Variants in PDGFC observed in about 807,000 individuals in gnomAD.
The protein encoded by PDGFC is platelet derived growth factor C.
Under a neutral mutation model 35.5 loss-of-function variants are expected in PDGFC, and 12 were observed. That is an observed-to-expected ratio of 0.34 (90% CI 0.22 to 0.55). The LOEUF is 0.55. PDGFC is among the 20% of genes least tolerant of loss of function. The pLI, the probability that PDGFC is intolerant of heterozygous loss-of-function variation, is 0.91. For synonymous variants in PDGFC, 159 were observed against 148.8 expected, an observed-to-expected ratio of 1.07 and a Z score of -0.50; for missense variants, 322 against 412.4, an observed-to-expected ratio of 0.78 and a Z score of 1.90.
intron 1 of PDGFC, among the ~76,000 whole-genome samples, chr4:156,855,361 T>C (rs1160718193): frequency 2.0e-5 from 3 of 152,186 alleles, no homozygotes; most frequent in Non-Finnish European, 2.9e-5. Context: ...AAATCATCCA[T>C]GTCTTTATGC....
chr4:156,835,424 T>G (rs1427988922), intron 2 of PDGFC, among the ~76,000 whole-genome samples: 1 of 152,178 alleles, frequency 6.6e-6, no homozygotes, highest in Non-Finnish European at 1.5e-5. Flanking sequence ...TCATATTATT[T>G]AAACTTTTAT....
chr4:156,802,401 G>A lies in PDGFC; in HGVS notation c.495+8436C>T, dbSNP rs56227584. On this transcript the variant is annotated intron_variant, in intron 3 of 5. Transcript: ENST00000502773. ...AAGAAGCAATTAAATATACATAAAG[G>A]AACAATAAAAGAATGACTAAAAATC... 7.8e-3 allele frequency among the ~76,000 whole-genome samples: 1,187 copies of A among 152,068 alleles called. 10 individuals are homozygous for A. The highest frequency in any genetic ancestry group is 0.027 in the African/African-American group (1,116 of 41,472).
chr4:156,822,932 C>G (rs1347762311), intron 2 of PDGFC, among the ~76,000 whole-genome samples: 1 of 151,898 alleles, frequency 6.6e-6, no homozygotes, highest in Non-Finnish European at 1.5e-5. Flanking sequence ...TGGGGTTTCT[C>G]CGTGTTGGTC....
chr4:156,958,956 G>A (rs1191044671), intron 1 of PDGFC, among the ~76,000 whole-genome samples: 1 of 152,032 alleles, frequency 6.6e-6, no homozygotes, highest in Non-Finnish European at 1.5e-5. Context: ...CCTAACTGTT[G>A]TTAGATTTTT....
rs1042503975 is a variant in PDGFC, at chr4:156,779,304, G to A, written c.496-6411C>T. ...AGCCGGCAATGAAAAGCAAATGCTT[G>A]CATTCCTACTCAAGAACAGATGTTT... On this transcript the variant is annotated intron_variant, in intron 3 of 5. Transcript: ENST00000502773. 4.0e-5 allele frequency: 17 copies of A among 424,510 alleles called. 1 individual carries two copies. The highest frequency in any genetic ancestry group is 4.7e-6 in the Non-Finnish European group (1 of 211,462). The allele number at this position is 424,510 out of a possible 1,614,324, so 26.3% of individuals were successfully genotyped here.
At chr4:156,823,861 AAAG>A (rs1318978117) in intron 2 of PDGFC, among the ~76,000 whole-genome samples, 3 of 152,324 alleles carry the variant, frequency 2.0e-5, no homozygotes, top group African/African-American at 7.2e-5. Flanking sequence ...ATGGATAAGG[AAAG>A]TGTAGTATAT....
intron 3 of PDGFC, chr4:156,779,118 T>C (rs995396238): frequency 2.2e-6 from 1 of 456,196 alleles, no homozygotes; most frequent in Non-Finnish European, 4.4e-6. Flanking sequence ...AGACAGGGCA[T>C]GCAGACACAA....
chr4:156,867,859 T>A (rs1729882869), intron 1 of PDGFC, among the ~76,000 whole-genome samples: 1 of 152,166 alleles, frequency 6.6e-6, no homozygotes, highest in Non-Finnish European at 1.5e-5. Flanking sequence ...TAGATTCAAA[T>A]TTAAAAAGAC....
intron 1 of PDGFC, among the ~76,000 whole-genome samples, chr4:156,917,531 T>G (rs1007468232): frequency 9.9e-5 from 15 of 152,134 alleles, no homozygotes; most frequent in African/African-American, 3.6e-4. Flanking sequence ...TAAAGAAAAA[T>G]AATCCCCACG....
At chr4:156,856,717 T>C (rs138315233) in intron 1 of PDGFC, among the ~76,000 whole-genome samples, 1 of 152,072 alleles carries the variant, frequency 6.6e-6, no homozygotes, top group South Asian at 2.1e-4. Context: ...ATTTTACATA[T>C]CACTTCAACA....
chr4:156,898,392 A>T (rs1730686431), intron 1 of PDGFC, among the ~76,000 whole-genome samples: 1 of 152,214 alleles, frequency 6.6e-6, no homozygotes, highest in Non-Finnish European at 1.5e-5. Context: ...ATTGGAAGTG[A>T]TAACTAATAA....
chr4:156,905,566 T>C (rs1193726375), intron 1 of PDGFC, among the ~76,000 whole-genome samples: 1 of 152,090 alleles, frequency 6.6e-6, no homozygotes. Flanking sequence ...TTTCAAAGCT[T>C]CACATTCTGT....
chr4:156,763,771 A>G (rs1040161798), intron 5 of PDGFC, among the ~76,000 whole-genome samples: 4 of 152,210 alleles, frequency 2.6e-5, no homozygotes, highest in Non-Finnish European at 5.9e-5. Context: ...TACTTCATAG[A>G]CATCAGCCCC....
At chr4:156,773,968 T>C (rs1212470401) in intron 3 of PDGFC, among the ~76,000 whole-genome samples, 1 of 152,188 alleles carries the variant, frequency 6.6e-6, no homozygotes, top group African/African-American at 2.4e-5. Flanking sequence ...GGCTCCATAC[T>C]AAAAACATGT....
chr4:156,929,946 C>A (rs1007767819), intron 1 of PDGFC, among the ~76,000 whole-genome samples: 9 of 152,078 alleles, frequency 5.9e-5, no homozygotes, highest in Non-Finnish European at 8.8e-5. Context: ...AAAAAAAAAT[C>A]TTTGGGTCAC....
Position 156,760,829 on chromosome 4 carries a change from C to G in PDGFC, c.*2261G>C, listed in dbSNP as rs1188524862. ...ATATATTTCGTTCAAAGATGGGAAA[C>G]AATGGATTAAACACAGTTAAACAGG... On this transcript the variant is annotated 3_prime_UTR_variant, in exon 6 of 6. Coordinates refer to ENST00000502773, the MANE Select transcript of PDGFC (RefSeq NM_016205.3). The G allele has an allele frequency of 6.6e-6, 1 of 151,962 alleles. No homozygotes were observed. The highest frequency in any genetic ancestry group is 1.5e-5 in the Non-Finnish European group (1 of 68,000). The allele number at this position is 151,962 out of a possible 1,614,324, so 9.4% of individuals were successfully genotyped here.
intron 1 of PDGFC, among the ~76,000 whole-genome samples, chr4:156,938,814 C>A (rs932705602): frequency 1.3e-5 from 2 of 151,174 alleles, no homozygotes; most frequent in African/African-American, 4.8e-5. Flanking sequence ...AATATAATAG[C>A]ACAACAACAT....
At chr4:156,938,781 T>C (rs940326934) in intron 1 of PDGFC, among the ~76,000 whole-genome samples, 1 of 151,654 alleles carries the variant, frequency 6.6e-6, no homozygotes, top group African/African-American at 2.4e-5. Context: ...GATCTGTATA[T>C]TTAATACTTT....
At chr4:156,800,859 C>T (rs1731585636) in intron 3 of PDGFC, among the ~76,000 whole-genome samples, 1 of 152,114 alleles carries the variant, frequency 6.6e-6, no homozygotes, top group South Asian at 2.1e-4. Flanking sequence ...CTAGACAAAG[C>T]TAACTTTGGG....
Sources: gnomAD v4.1 joint callset for allele counts (sites outside exome capture counted in the v4.1 genomes callset) on GRCh38, gnomAD v4.1.1 for gene constraint, MANE v1.5 for transcripts, NCBI Gene and HGNC (gene_info 2026-07-23, HGNC 2026-07-21) for gene names.